ITGA4: variants seen among roughly 807,000 people sequenced by gnomAD.
ITGA4 encodes the protein integrin alpha-4.
A neutral mutation model predicts 133.6 loss-of-function variants in ITGA4; 63 were observed. The ratio of observed to expected loss-of-function variants is 0.47; its 90% CI spans 0.38 to 0.58. The LOEUF (loss-of-function observed/expected upper bound fraction) is 0.58. Among genes scored for constraint, ITGA4 ranks in the 20% least tolerant of loss-of-function variants. ITGA4 has a pLI of 0.00. For synonymous variants in ITGA4, 483 were observed against 438.0 expected, an observed-to-expected ratio of 1.10 and a Z score of -1.28; for missense variants, 1,076 against 1,252.7, an observed-to-expected ratio of 0.86 and a Z score of 2.13.
At chr2:181,478,870 CTTAA>C in intron 5 of ITGA4, 46 bp downstream of exon 5, 1 of 919,712 alleles carries the variant, frequency 1.1e-6, no homozygotes, top group South Asian at 2.5e-5. Flanking sequence ...CATATAGAAT[CTTAA>C]TTCTTCTCAT....
intron 2 of ITGA4, chr2:181,458,701 C>G (rs144597393): frequency 3.3e-5 from 7 of 214,588 alleles, no homozygotes; most frequent in African/African-American, 1.6e-4. Flanking sequence ...TATCAACCCT[C>G]TTAAAGAACA....
rs527535849 is a variant in ITGA4, at chr2:181,530,543, A to G, written c.2558A>G (p.His853Arg). The part of the protein sequence containing the change: ...LDVQTTTGEC[H>R]FENYQRVCAL... ...TCATAGACTACTACTGGAGAATGCC[A>G]CTTTGAAAATTATCAAAGAGTGTGT... is the stretch of plus-strand genomic sequence containing the variant. The change falls in exon 24 of 28, where the codon CAC becomes CGC. Residue 853 changes from histidine (H) to arginine (R), a missense_variant. His to Arg is a conservative substitution (Grantham distance 29). Around this residue, in one of 4 missense-constraint regions of ITGA4, gnomAD observed 365 missense variants for 421.4 expected, o/e 0.87. Transcript: ENST00000397033. 1.1e-5 allele frequency: 18 copies of G among 1,612,998 alleles called. No homozygotes were observed. In the African/African-American group the frequency reaches 1.7e-4, roughly 16 times the overall value.
In ITGA4 at chr2:181,480,193, C is replaced by T; in HGVS notation, c.681C>T (p.Val227=). Residue 227 remains valine, a synonymous_variant, in exon 6 of 28, where the codon GTC becomes GTT. Coordinates refer to ENST00000397033, the MANE Select transcript of ITGA4 (RefSeq NM_000885.6). Reference sequence around the variant, plus strand: ...CTTACTGGACTGGCTCTCTTTTTGTCTACAATATAACTACAAATAAATACA... The same window carrying T: ...CTTACTGGACTGGCTCTCTTTTTGTTTACAATATAACTACAAATAAATACA... ...GSSYWTGSLF[V]YNITTNKYKA... is the part of the protein sequence containing the mutation. The T allele has an allele frequency of 1.9e-6, 3 of 1,552,648 alleles. No individual in the cohort carries two copies. The highest frequency in any genetic ancestry group is 2.6e-6 in the Non-Finnish European group (3 of 1,148,360).
At position 181,511,680 on chromosome 2, in the gene ITGA4, G is replaced by A. The variant is rs201618159; in HGVS notation, c.1846-19G>A. 71 of 1,383,300 alleles carry A rather than the reference G, an allele frequency of 5.1e-5. No homozygotes were observed. The African/African-American group carries it at 7.6e-4, about 15-fold the overall frequency. 85.7% of individuals were successfully genotyped at this position (1,383,300 alleles called of 1,614,324 possible). On this transcript the variant is annotated intron_variant, in intron 16 of 27. Transcript: ENST00000397033. ...TGCTGATTAAATCAAAATAAAAAAC[G>A]TTGTCTTTTTATTTCCAGATAAACT...
chr2:181,532,529 C>T (rs1461741820), intron 25 of ITGA4, among the ~76,000 whole-genome samples: 1 of 152,154 alleles, frequency 6.6e-6, no homozygotes, highest in Non-Finnish European at 1.5e-5. Context: ...TGGGAATTCA[C>T]TCATGATTTG....
chr2:181,490,081 A>G (rs555818455), intron 10 of ITGA4, among the ~76,000 whole-genome samples: 32 of 152,176 alleles, frequency 2.1e-4, no homozygotes, highest in Non-Finnish European at 3.2e-4. Context: ...GATCGGAACA[A>G]AACAGGATAG....
At chr2:181,493,031 G>A (rs539994709) in intron 10 of ITGA4, 9 of 248,914 alleles carry the variant, frequency 3.6e-5, no homozygotes, top group Non-Finnish European at 6.1e-5. Context: ...GCAGTGCCCA[G>A]TGGCAGAGCT....
chr2:181,477,053 C>G (rs1359421848), intron 4 of ITGA4, among the ~76,000 whole-genome samples: 2 of 152,122 alleles, frequency 1.3e-5, no homozygotes, highest in Non-Finnish European at 2.9e-5. Flanking sequence ...GGGAAATAAT[C>G]TGTACATCAA....
chr2:181,523,459 A>G lies in ITGA4; in HGVS notation c.2096A>G (p.Glu699Gly), dbSNP rs780980395. The stretch of plus-strand genomic sequence containing the variant: ...TAGGAAGAGAAGCAAATAAACTGTG[A>G]AGTCACAGATAACTCTGGCGTGGTA... ...LELEEKQINC[E>G]VTDNSGVVQL... Residue 699 changes from glutamate (E) to glycine (G), a missense_variant, in exon 19 of 28, where the codon GAA (glutamate) becomes GGA (glycine). Glu to Gly is a moderately conservative substitution (Grantham distance 98). Around this residue, in one of 4 missense-constraint regions of ITGA4, gnomAD observed 365 missense variants for 421.4 expected, o/e 0.87. Coordinates refer to ENST00000397033, the MANE Select transcript of ITGA4 (RefSeq NM_000885.6). This position sits in a 1 kb window ranked among gnomAD's most constrained non-coding sequence, Gnocchi z 4.2. 3 of 1,608,006 alleles carry G rather than the reference A, an allele frequency of 1.9e-6. No individual in the cohort carries two copies. The highest frequency in any genetic ancestry group is 2.2e-5 in the East Asian group (1 of 44,774).
In ITGA4 at chr2:181,523,674, G is replaced by C; in HGVS notation, c.2169+142G>C. On this transcript the variant is annotated intron_variant, in intron 19 of 27. Coordinates refer to ENST00000397033, the MANE Select transcript of ITGA4 (RefSeq NM_000885.6). The surrounding 1 kb of genome is among the most constrained non-coding windows in gnomAD (Gnocchi z 4.2). ...GAGTGATGAAATAAAACTGGTTCTT[G>C]AAATCTTTGAGCTTTGTGTTTATAT... 2 of 561,376 alleles carry C rather than the reference G, an allele frequency of 3.6e-6. No individual in the cohort carries two copies. 34.8% of individuals were successfully genotyped at this position (561,376 alleles called of 1,614,324 possible).
At chr2:181,534,775 T>TTG in intron 26 of ITGA4, 41 bp from the exon 27 acceptor site, 9 of 1,535,656 alleles carry the variant, frequency 5.9e-6, no homozygotes, top group Non-Finnish European at 7.9e-6. Context: ...AACTGATTTT[T>TTG]TTTTTTGGTT....
chr2:181,479,190 A>C (rs1685746796), intron 5 of ITGA4: 1 of 158,586 alleles, frequency 6.3e-6, no homozygotes, highest in African/African-American at 2.4e-5. Context: ...AAGGAAGAAT[A>C]TCAGTCTATA....
chr2:181,483,348 TTG>T (rs1405578134), intron 9 of ITGA4, among the ~76,000 whole-genome samples: 75 of 152,284 alleles, frequency 4.9e-4, no homozygotes, highest in Non-Finnish European at 1.0e-3. Context: ...AAACAAAAAA[TTG>T]GTGGAGTCTT....
intron 25 of ITGA4, among the ~76,000 whole-genome samples, chr2:181,532,609 CTT>C (rs1166714430): frequency 1.3e-5 from 2 of 152,124 alleles, no homozygotes; most frequent in African/African-American, 2.4e-5. Context: ...TATCCTGAGA[CTT>C]TGCTGAAGTT....
chr2:181,496,188 A>G (rs1194669372), intron 14 of ITGA4, among the ~76,000 whole-genome samples: 1 of 152,196 alleles, frequency 6.6e-6, no homozygotes, highest in Non-Finnish European at 1.5e-5. Context: ...ATCACTTGCT[A>G]TATTAGTTTA....
rs558152125 is a variant in ITGA4 at position 181,534,617 on chromosome 2, A to T, written c.2884-199A>T. Among the ~76,000 whole-genome samples the T allele has an allele frequency of 1.1e-4, 16 of 152,182 alleles. No individual in the cohort carries two copies. The East Asian group carries it at 3.1e-3, about 29-fold the overall frequency. ...GAATAGATTGGAGGAAAAGTCATGG[A>T]TACAGCCCATTACACTCACTGTTTC... On this transcript the variant is annotated intron_variant, in intron 26 of 27. Transcript: ENST00000397033.
intron 15 of ITGA4, among the ~76,000 whole-genome samples, chr2:181,501,574 G>T (rs955262588): frequency 6.6e-6 from 1 of 152,176 alleles, no homozygotes; most frequent in Non-Finnish European, 1.5e-5. Context: ...TGAGAGGATG[G>T]TTCCAACAAA....
At chr2:181,515,198 C>G (rs530297259) in intron 17 of ITGA4, among the ~76,000 whole-genome samples, 1 of 152,170 alleles carries the variant, frequency 6.6e-6, no homozygotes, top group South Asian at 2.1e-4. Context: ...GTCAATCTGA[C>G]CTGGTTCAAA....
At chr2:181,485,751 A>G (rs765327508) in intron 9 of ITGA4, 130 bp from the exon 10 acceptor site, 4 of 691,570 alleles carry the variant, frequency 5.8e-6, no homozygotes, top group Admixed American at 6.3e-5. Flanking sequence ...TGTGTGTACT[A>G]AAGCTCAGTC....
Sources: allele counts gnomAD v4.1 joint callset (sites outside exome capture counted in the v4.1 genomes callset), GRCh38; gene constraint gnomAD v4.1.1; regional missense constraint gnomAD v4.1.1; non-coding constraint Gnocchi (gnomAD v3.1); transcripts MANE v1.5; gene names NCBI Gene and HGNC (gene_info 2026-07-23, HGNC 2026-07-21).